The following PON3 variants were observed in gnomAD, a reference collection of about 807,000 sequenced individuals.
The protein encoded by PON3 is paraoxonase 3.
In PON3, 37 loss-of-function variants were observed where a neutral mutation model predicts 36.3. That is an observed-to-expected ratio of 1.02 (90% CI 0.78 to 1.34). The LOEUF (loss-of-function observed/expected upper bound fraction) is 1.34. Ranked by LOEUF, PON3 falls within the 40% of genes most tolerant of loss-of-function variation. The pLI is 0.00. For synonymous variants in PON3, 155 were observed against 154.8 expected (o/e 1.00, Z -0.01); for missense variants, 415 against 426.5 (o/e 0.97, Z 0.24).
intron 3 of PON3, among the ~76,000 whole-genome samples, chr7:95,387,065 A>G (rs982998135): frequency 5.3e-5 from 8 of 152,212 alleles, no homozygotes; most frequent in African/African-American, 1.7e-4. Context: ...ATTCCATTTG[A>G]AAACCTGCAC....
chr7:95,378,178 T>C (rs936148036), intron 3 of PON3, among the ~76,000 whole-genome samples: 4 of 151,766 alleles, frequency 2.6e-5, no homozygotes, highest in African/African-American at 9.7e-5. Context: ...ACCAAAGTAA[T>C]GAAATAAAGT....
In PON3 at chr7:95,367,528, C is replaced by G. The variant is rs1421141644; in HGVS notation, c.368-40G>C. 3 of 1,601,626 alleles carry G rather than the reference C, an allele frequency of 1.9e-6. No individual in the cohort carries two copies. In the African/African-American group the frequency reaches 4.0e-5, roughly 21 times the overall value. ...GGGATAATTTCCAAGAAAGTTACCCCTATCACAACTAATATTAGACTTGTT... is the reference window on the plus strand; with the variant it reads ...GGGATAATTTCCAAGAAAGTTACCCGTATCACAACTAATATTAGACTTGTT... On this transcript the variant is annotated intron_variant, in intron 4 of 8. Transcript: ENST00000265627.
At chr7:95,382,291 A>T (rs536017095) in intron 3 of PON3, among the ~76,000 whole-genome samples, 1 of 152,358 alleles carries the variant, frequency 6.6e-6, no homozygotes, top group African/African-American at 2.4e-5. Context: ...CAATTAAAAG[A>T]ACTACAGAAT....
intron 3 of PON3, among the ~76,000 whole-genome samples, chr7:95,388,012 C>A (rs578237735): frequency 1.3e-5 from 2 of 152,154 alleles, no homozygotes; most frequent in South Asian, 4.1e-4. Flanking sequence ...AAATGTAAGA[C>A]CTAAAACCAT....
chr7:95,362,072 A>G (rs1348583906), intron 8 of PON3, among the ~76,000 whole-genome samples: 1 of 152,160 alleles, frequency 6.6e-6, no homozygotes, highest in African/African-American at 2.4e-5. Flanking sequence ...CTACCTGCTC[A>G]GAGACTATCT....
Position 95,396,343 on chromosome 7 carries a change from T to G in PON3, c.8A>C (p.Lys3Thr). 1 of 1,613,796 alleles carries G rather than the reference T, an allele frequency of 6.2e-7. No individual in the cohort carries two copies. The highest frequency in any genetic ancestry group is 8.5e-7 in the Non-Finnish European group (1 of 1,179,898). The change falls in exon 1 of 9, where the codon AAG becomes ACG. Residue 3 changes from lysine (K) to threonine (T), a missense_variant. By Grantham distance (78) the Lys-to-Thr change is moderately conservative. Coordinates refer to ENST00000265627, the MANE Select transcript of PON3 (RefSeq NM_000940.3). MG[K>T]LVALVLLGVG... The stretch of plus-strand genomic sequence containing the variant: ...CCCCAGCAGGACCAGCGCCACGAGC[T>G]TCCCCATGGTCTCGGGGTGCCCAGC...
chr7:95,367,918 T>C (rs1042435885), intron 4 of PON3, among the ~76,000 whole-genome samples: 1 of 152,154 alleles, frequency 6.6e-6, no homozygotes, highest in African/African-American at 2.4e-5. Flanking sequence ...CAACAGAAGC[T>C]CAGTGAATGT....
intron 2 of PON3, among the ~76,000 whole-genome samples, chr7:95,393,308 G>C (rs1295769125): frequency 6.6e-6 from 1 of 152,152 alleles, no homozygotes; most frequent in Non-Finnish European, 1.5e-5. Flanking sequence ...ATAATACAAG[G>C]CATGTGGCAG....
chr7:95,360,867 G>A (rs1232951993), intron 8 of PON3, among the ~76,000 whole-genome samples: 1 of 151,910 alleles, frequency 6.6e-6, no homozygotes, highest in African/African-American at 2.4e-5. Context: ...TTTATCTTAA[G>A]GGAGATCCTT....
At position 95,360,136 on chromosome 7, in the gene PON3, C is replaced by A; in HGVS notation, c.907-5G>T. ...AACATTCTGGATGCGAAGTACCTGT[C>A]GAGAAAAGATCGTTTATTAGTATAT... On this transcript the variant is annotated splice_polypyrimidine_tract_variant and splice_region_variant and intron_variant, in intron 8 of 8. Coordinates refer to ENST00000265627, the MANE Select transcript of PON3 (RefSeq NM_000940.3). 1 of 1,611,708 alleles carries A rather than the reference C, an allele frequency of 6.2e-7. No individual in the cohort carries two copies. Among genetic ancestry groups the A allele is most frequent in the African/African-American group, 1.3e-5 (1 of 74,928 alleles).
intron 3 of PON3, among the ~76,000 whole-genome samples, chr7:95,389,727 T>A (rs1055534663): frequency 1.6e-4 from 25 of 152,132 alleles, no homozygotes; most frequent in Admixed American, 8.5e-4. Flanking sequence ...TGGTTAATAT[T>A]CGATCCACAA....
chr7:95,367,744 A>G (rs1585720166), intron 4 of PON3, among the ~76,000 whole-genome samples: 1 of 152,176 alleles, frequency 6.6e-6, no homozygotes, highest in East Asian at 1.9e-4. Flanking sequence ...TGCCATAGTC[A>G]CTTCACCCTT....
intron 3 of PON3, 128 bp downstream of exon 3, chr7:95,390,026 A>G: frequency 2.0e-6 from 2 of 1,023,552 alleles, no homozygotes; most frequent in Non-Finnish European, 3.1e-6. Context: ...TGGCTTTTTT[A>G]GTTGACTGGT....
chr7:95,393,549 C>A (rs1198725919), intron 2 of PON3, among the ~76,000 whole-genome samples: 1 of 152,066 alleles, frequency 6.6e-6, no homozygotes, highest in African/African-American at 2.4e-5. Flanking sequence ...AGCTGTGGAG[C>A]CCAAATAAGC....
chr7:95,362,022 TG>T (rs1311403988), intron 8 of PON3, among the ~76,000 whole-genome samples: 2 of 152,172 alleles, frequency 1.3e-5, no homozygotes, highest in Non-Finnish European at 2.9e-5. Flanking sequence ...TGAAAGAAGA[TG>T]GTACCATATA....
intron 5 of PON3, chr7:95,364,307 T>C: frequency 1.9e-6 from 1 of 540,376 alleles, no homozygotes; most frequent in Non-Finnish European, 3.3e-6. Context: ...AAGAAATAAA[T>C]TCACAAATAA....
At chr7:95,390,328 C>T (rs1035585888) in intron 2 of PON3, 119 bp from the exon 3 acceptor site, 3 of 854,460 alleles carry the variant, frequency 3.5e-6, no homozygotes, top group Non-Finnish European at 4.0e-6. Flanking sequence ...ACTTGTTCAA[C>T]CATTTACTTG....
chr7:95,363,709 G>A (rs929025700), intron 6 of PON3, 154 bp downstream of exon 6: 6 of 775,420 alleles, frequency 7.7e-6, no homozygotes, highest in Non-Finnish European at 1.1e-5. Flanking sequence ...GGATTGCTTA[G>A]GATGACAGAT....
intron 3 of PON3, among the ~76,000 whole-genome samples, chr7:95,380,779 C>G (rs1227196443): frequency 1.3e-5 from 2 of 152,190 alleles, no homozygotes; most frequent in Admixed American, 1.3e-4. Context: ...AAACACTCTG[C>G]AGGATATTAT....
Sources: allele counts gnomAD v4.1 joint callset (sites outside exome capture counted in the v4.1 genomes callset), GRCh38; gene constraint gnomAD v4.1.1; transcripts MANE v1.5; gene names NCBI Gene and HGNC (gene_info 2026-07-23, HGNC 2026-07-21).